The following COL14A1 variants were observed in gnomAD, a reference collection of about 807,000 sequenced individuals.
COL14A1 encodes collagen type XIV alpha 1 chain.
In COL14A1, 136 loss-of-function variants were observed where a neutral mutation model predicts 230.3. The observed-to-expected ratio is 0.59, with a 90% CI of 0.51 to 0.68. COL14A1 has a LOEUF of 0.68. COL14A1 is among the 30% of genes least tolerant of loss of function. The pLI is 0.00. For synonymous variants in COL14A1, 792 were observed against 784.1 expected, an observed-to-expected ratio of 1.01 and a Z score of -0.17; for missense variants, 1,976 against 2,215.8, an observed-to-expected ratio of 0.89 and a Z score of 2.17.
At position 120,370,333 on chromosome 8, in the gene COL14A1, A is replaced by T. The variant is rs755433067; in HGVS notation, c.5312-819A>T. The T allele has an allele frequency of 2.0e-5, 33 of 1,611,718 alleles. No individual in the cohort carries two copies. In the South Asian group the frequency reaches 3.5e-4, roughly 17 times the overall value. On this transcript the variant is annotated intron_variant, in intron 47 of 47. Transcript: ENST00000297848. Reference sequence around the variant, plus strand: ...TCTCTCAAATACTCCTATCCTTATTAAGATCTGATCCCCTACAATGATTAC... The same window carrying T: ...TCTCTCAAATACTCCTATCCTTATTTAGATCTGATCCCCTACAATGATTAC...
At chr8:120,331,482 A>G (rs955052395) in intron 40 of COL14A1, among the ~76,000 whole-genome samples, 2 of 152,204 alleles carry the variant, frequency 1.3e-5, no homozygotes, top group Admixed American at 1.3e-4. Context: ...TTAACACTTA[A>G]CATAAAAATA....
chr8:120,256,698 TGA>T (rs1439327951), intron 23 of COL14A1, among the ~76,000 whole-genome samples: 1 of 152,234 alleles, frequency 6.6e-6, no homozygotes, highest in East Asian at 1.9e-4. Context: ...GGCAACAATT[TGA>T]GAAACAACTA....
intron 20 of COL14A1, among the ~76,000 whole-genome samples, chr8:120,245,204 C>CT (rs1018994817): frequency 2.0e-5 from 3 of 152,162 alleles, no homozygotes; most frequent in African/African-American, 4.8e-5. Flanking sequence ...TGATATTATC[C>CT]TTTTTTGTTT....
chr8:120,208,204 C>T (rs1051824917), intron 10 of COL14A1, 28 bp from the exon 11 acceptor site: 2 of 1,580,664 alleles, frequency 1.3e-6, no homozygotes, highest in Non-Finnish European at 1.7e-6. Context: ...ATTCCATACT[C>T]TCATTACTCA....
chr8:120,233,907 G>A (rs958916410), intron 19 of COL14A1, among the ~76,000 whole-genome samples: 3 of 152,158 alleles, frequency 2.0e-5, no homozygotes, highest in Admixed American at 2.0e-4. Context: ...ATTACTTTGG[G>A]CAATATGGCC....
chr8:120,289,833 C>T lies in COL14A1; in HGVS notation c.4236+67C>T, dbSNP rs546746740. The T allele has an allele frequency of 1.2e-4, 174 of 1,485,182 alleles. 3 individuals carry two copies. The South Asian group carries it at 2.1e-3, about 18-fold the overall frequency. The allele number at this position is 1,485,182 out of a possible 1,614,324, so 92.0% of individuals were successfully genotyped here. A position where few individuals can be genotyped will look rare whatever the true frequency, so the allele number is the denominator to read the frequency against. ...GAGAAATTATTTTAAAGTACATTAGCTATTTTCCAGGGGAAAGGTTTAACA... is the reference window on the plus strand; with the variant it reads ...GAGAAATTATTTTAAAGTACATTAGTTATTTTCCAGGGGAAAGGTTTAACA... On this transcript the variant is annotated intron_variant, in intron 34 of 47. Transcript: ENST00000297848.
chr8:120,216,938 A>G (rs1216863160), intron 14 of COL14A1, among the ~76,000 whole-genome samples: 2 of 152,344 alleles, frequency 1.3e-5, no homozygotes, highest in South Asian at 4.1e-4. Context: ...CTCTGAAGTC[A>G]CTTGATATCA....
At chr8:120,253,255 T>G (rs966420386) in intron 22 of COL14A1, among the ~76,000 whole-genome samples, 3 of 152,152 alleles carry the variant, frequency 2.0e-5, no homozygotes, top group African/African-American at 7.2e-5. Context: ...GTGATCCACC[T>G]GACTTGGCCT....
intron 25 of COL14A1, among the ~76,000 whole-genome samples, chr8:120,268,599 T>G (rs1819568962): frequency 6.6e-6 from 1 of 151,694 alleles, no homozygotes; most frequent in African/African-American, 2.4e-5. Flanking sequence ...CACTGTGTAT[T>G]TTAGGCTTTG....
chr8:120,162,398 A>T (rs1815708911), intron 3 of COL14A1, 28 bp from the exon 4 acceptor site: 3 of 1,574,734 alleles, frequency 1.9e-6, no homozygotes, highest in Non-Finnish European at 2.6e-6. Context: ...ATTTCTTAGA[A>T]CTGATTTATT....
chr8:120,178,839 CT>C (rs1345450226), intron 5 of COL14A1, among the ~76,000 whole-genome samples: 2 of 151,590 alleles, frequency 1.3e-5, no homozygotes, highest in African/African-American at 2.4e-5. Context: ...TGATGATGAG[CT>C]TTTTTTTCAT....
At chr8:120,300,930 G>C in intron 36 of COL14A1, 112 bp downstream of exon 36, 1 of 818,622 alleles carries the variant, frequency 1.2e-6, no homozygotes, top group Non-Finnish European at 2.0e-6. Context: ...TCACTTAATT[G>C]TAGGAATGCA....
chr8:120,140,029 A>G (rs1814847495), intron 1 of COL14A1, among the ~76,000 whole-genome samples: 2 of 152,128 alleles, frequency 1.3e-5, no homozygotes, highest in South Asian at 4.1e-4. Flanking sequence ...TCCTAAAAAA[A>G]ACCCAAATCA....
intron 5 of COL14A1, among the ~76,000 whole-genome samples, chr8:120,180,097 A>G (rs1445124376): frequency 6.6e-6 from 1 of 152,206 alleles, no homozygotes; most frequent in Non-Finnish European, 1.5e-5. Flanking sequence ...AAAACACTAG[A>G]AAAAAACCTA....
intron 34 of COL14A1, among the ~76,000 whole-genome samples, chr8:120,293,274 A>C (rs1438245502): frequency 6.6e-6 from 1 of 151,958 alleles, no homozygotes; most frequent in Non-Finnish European, 1.5e-5. Flanking sequence ...CATTTTAGCC[A>C]CTGAGTTACA....
intron 45 of COL14A1, among the ~76,000 whole-genome samples, chr8:120,360,064 C>T (rs1823136082): frequency 6.6e-6 from 1 of 152,190 alleles, no homozygotes; most frequent in Admixed American, 6.5e-5. Flanking sequence ...ACTCCTTTGC[C>T]TTGATCTTGC....
At chr8:120,364,137 A>C (rs1823323380) in intron 45 of COL14A1, among the ~76,000 whole-genome samples, 1 of 152,168 alleles carries the variant, frequency 6.6e-6, no homozygotes, top group African/African-American at 2.4e-5. Context: ...AGTGGCACTT[A>C]GCACTGGTGA....
At chr8:120,315,740 A>G (rs1821202099) in intron 39 of COL14A1, among the ~76,000 whole-genome samples, 154 bp downstream of exon 39, 1 of 152,202 alleles carries the variant, frequency 6.6e-6, no homozygotes. Context: ...CCCTTTTGAG[A>G]GTCACACTGA....
chr8:120,335,331 A>G (rs1822018509), intron 42 of COL14A1, among the ~76,000 whole-genome samples: 1 of 152,212 alleles, frequency 6.6e-6, no homozygotes, highest in African/African-American at 2.4e-5. Context: ...ATCAGCAGAA[A>G]GGGGCCCTTG....
Sources: allele counts gnomAD v4.1 joint callset (sites outside exome capture counted in the v4.1 genomes callset), GRCh38; gene constraint gnomAD v4.1.1; transcripts MANE v1.5; gene names NCBI Gene and HGNC (gene_info 2026-07-23, HGNC 2026-07-21).